RWDD1: variants seen among roughly 807,000 people sequenced by gnomAD.
RWDD1 encodes the protein RWD domain-containing protein 1.
RWDD1 carries 17 observed loss-of-function variants against 31.6 expected under a neutral mutation model. The observed-to-expected ratio is 0.54, with a 90% CI of 0.37 to 0.81. The LOEUF (loss-of-function observed/expected upper bound fraction) is 0.81. Among genes scored for constraint, RWDD1 ranks in the 30% least tolerant of loss-of-function variants. The pLI is 0.00. For missense variants in RWDD1, 204 were observed against 274.5 expected, an observed-to-expected ratio of 0.74 and a Z score of 1.82; for synonymous variants, 78 against 94.2, an observed-to-expected ratio of 0.83 and a Z score of 0.99.
At chr6:116,577,209 A>G (rs756632815) in intron 1 of RWDD1, among the ~76,000 whole-genome samples, 1 of 152,200 alleles carries the variant, frequency 6.6e-6, no homozygotes, top group Non-Finnish European at 1.5e-5. Flanking sequence ...TTGCTAGGAA[A>G]CTGACAAGAG....
intron 3 of RWDD1, among the ~76,000 whole-genome samples, chr6:116,587,489 G>A (rs1041070462): frequency 3.3e-5 from 5 of 152,156 alleles, no homozygotes; most frequent in African/African-American, 1.2e-4. Context: ...GTGGTGATAA[G>A]TGGTGTAACT....
chr6:116,591,066 G>C, intron 6 of RWDD1, 116 bp downstream of exon 6: 1 of 1,347,948 alleles, frequency 7.4e-7, no homozygotes. Flanking sequence ...TTTGAGACCA[G>C]ACTGGGCAAC....
intron 1 of RWDD1, among the ~76,000 whole-genome samples, chr6:116,576,698 G>A (rs930709800): frequency 2.0e-5 from 3 of 152,214 alleles, no homozygotes; most frequent in Admixed American, 6.5e-5. Flanking sequence ...AGGGAGAGGG[G>A]ATGGTCTGAG....
chr6:116,584,766 A>G lies in RWDD1; in HGVS notation c.179A>G (p.Tyr60Cys). 6.2e-7 allele frequency: 1 copy of G among 1,608,832 alleles called. No individual in the cohort carries two copies. Among genetic ancestry groups the G allele is most frequent in the Non-Finnish European group, 8.5e-7 (1 of 1,175,420 alleles). The change falls in exon 3 of 7, where the codon TAC (tyrosine) becomes TGC (cysteine). Residue 60 changes from tyrosine to cysteine, a missense_variant. Transcript: ENST00000466444. ...CTCAAGTTTACATACAGTGAAAAAT[A>G]CCCAGATGAAGCTCCCCTTTATGAA... ...TTLKFTYSEK[Y>C]PDEAPLYEIF...
At chr6:116,571,869 G>A (rs1479566025) in intron 1 of RWDD1, among the ~76,000 whole-genome samples, 11 of 151,976 alleles carry the variant, frequency 7.2e-5, no homozygotes, top group Admixed American at 6.5e-4. Flanking sequence ...CTAAAAGTCC[G>A]GGTGATGTTG....
intron 6 of RWDD1, among the ~76,000 whole-genome samples, chr6:116,591,690 A>T (rs1775147969): frequency 6.6e-6 from 1 of 152,256 alleles, no homozygotes; most frequent in African/African-American, 2.4e-5. Flanking sequence ...CTTATGGCCT[A>T]CATGTGTTTT....
rs372407429 is a variant in RWDD1, at chr6:116,591,004, T to C, written c.610+54T>C. On this transcript the variant is annotated intron_variant, in intron 6 of 6. Transcript: ENST00000466444. Reference sequence around the variant, plus strand: ...GGACAGGCACAGTAGCTCAAACCTGTAATCCCAGCATTTTGGAAAGCCAAG... The same window carrying C: ...GGACAGGCACAGTAGCTCAAACCTGCAATCCCAGCATTTTGGAAAGCCAAG... 86 of 1,508,280 alleles carry C rather than the reference T, an allele frequency of 5.7e-5. No homozygotes were observed. The African/African-American group carries it at 1.1e-3, about 20-fold the overall frequency. The allele number at this position is 1,508,280 out of a possible 1,614,324, so 93.4% of individuals were successfully genotyped here.
intron 2 of RWDD1, among the ~76,000 whole-genome samples, chr6:116,581,143 A>G (rs1774941095): frequency 1.3e-5 from 2 of 152,252 alleles, no homozygotes; most frequent in South Asian, 4.1e-4. Context: ...TTAAAAGGAT[A>G]TTGAATACAT....
chr6:116,572,085 C>T (rs1232121437), intron 1 of RWDD1, among the ~76,000 whole-genome samples: 2 of 151,684 alleles, frequency 1.3e-5, no homozygotes, highest in Non-Finnish European at 2.9e-5. Flanking sequence ...TTATAGGATT[C>T]AGAGTGCTGT....
rs1174114234 is a variant in RWDD1 at position 116,593,058 on chromosome 6, C to G, written c.689C>G (p.Pro230Arg). 1 of 1,613,630 alleles carries G rather than the reference C, an allele frequency of 6.2e-7. No individual in the cohort carries two copies. The highest frequency in any genetic ancestry group is 8.5e-7 in the Non-Finnish European group (1 of 1,179,946). Residue 230 changes from proline (P) to arginine (R), a missense_variant, in exon 7 of 7, where the codon CCA becomes CGA. Pro to Arg is a moderately radical substitution (Grantham distance 103). Transcript: ENST00000466444. Reference sequence around the variant, plus strand: ...GAGCTGGAGGATGATGAAGATGATCCAGACTATAATCCTGCTGACCCAGAG... The same window carrying G: ...GAGCTGGAGGATGATGAAGATGATCGAGACTATAATCCTGCTGACCCAGAG... ...DLELEDDEDDPDYNPADPESD... is the reference protein window; with the variant it reads ...DLELEDDEDDRDYNPADPESD...
intron 4 of RWDD1, among the ~76,000 whole-genome samples, chr6:116,589,998 A>G (rs1434163677): frequency 6.6e-6 from 1 of 152,184 alleles, no homozygotes; most frequent in Non-Finnish European, 1.5e-5. Context: ...CTTCTTAACA[A>G]TGAATAGCTA....
intron 1 of RWDD1, among the ~76,000 whole-genome samples, chr6:116,572,091 G>A (rs918862582): frequency 3.3e-5 from 5 of 151,870 alleles, no homozygotes; most frequent in African/African-American, 7.3e-5. Context: ...GATTCAGAGT[G>A]CTGTTTTCAG....
In RWDD1 at chr6:116,584,789, G is replaced by T. The variant is rs1386191097; in HGVS notation, c.202G>T (p.Glu68Ter). 6.2e-7 allele frequency: 1 copy of T among 1,604,698 alleles called. No individual in the cohort carries two copies. The highest frequency in any genetic ancestry group is 8.5e-7 in the Non-Finnish European group (1 of 1,171,870). ...ATACCCAGATGAAGCTCCCCTTTAT[G>T]AAATATTCTCCCAGGAAAATCTAGA... The part of the protein sequence containing the change: ...EKYPDEAPLY[E>*]IFSQENLEDN... Residue 68 changes from glutamate to a stop codon, truncating the protein, a stop_gained, in exon 3 of 7, where the codon GAA becomes TAA. Coordinates refer to ENST00000466444, the MANE Select transcript of RWDD1 (RefSeq NM_015952.4). LOFTEE classifies it high-confidence loss of function.
At chr6:116,584,361 A>G (rs1371321106) in intron 2 of RWDD1, among the ~76,000 whole-genome samples, 2 of 151,016 alleles carry the variant, frequency 1.3e-5, no homozygotes, top group Non-Finnish European at 1.5e-5. Flanking sequence ...TGGCTCTGGT[A>G]GAGGCTGAAA....
intron 1 of RWDD1, among the ~76,000 whole-genome samples, chr6:116,573,189 A>G (rs984457215): frequency 2.6e-5 from 4 of 152,252 alleles, no homozygotes; most frequent in African/African-American, 7.2e-5. Flanking sequence ...GACATAAGCT[A>G]TCCCTCGCTA....
intron 2 of RWDD1, among the ~76,000 whole-genome samples, chr6:116,583,629 TCA>T (rs1482653970): frequency 1.3e-5 from 2 of 152,084 alleles, no homozygotes; most frequent in Non-Finnish European, 2.9e-5. Context: ...TATCAAAACA[TCA>T]CATTGTACAC....
rs759427163 is a variant in RWDD1, at chr6:116,596,831, T to C, written c.*3730T>C. ...ATGCGCCAGCCTTTCTTTGTGATAA[T>C]GTTAATTTTTTTTTTCCTCCCCTCC... On this transcript the variant is annotated 3_prime_UTR_variant, in exon 7 of 7. Transcript: ENST00000466444. 1.9e-4 allele frequency: 29 copies of C among 152,110 alleles called. No homozygotes were observed. Among genetic ancestry groups the C allele is most frequent in the Non-Finnish European group, 3.7e-4 (25 of 68,014 alleles). 9.4% of individuals were successfully genotyped at this position (152,110 alleles called of 1,614,324 possible). A position where few individuals can be genotyped will look rare whatever the true frequency, so the allele number is the denominator to read the frequency against.
rs1158814100 is a variant in RWDD1, at chr6:116,574,705, CTTTCTTTT to C, written c.73+3058_73+3065del. On this transcript the variant is annotated intron_variant, in intron 1 of 6. Transcript: ENST00000466444. ...CTTCCTTCCTTCCTTCCTTTTCTTT[CTTTCTTTT>C]TTTCTTTCTCTCTCCTTCCTTCCTT... is the stretch of plus-strand genomic sequence containing the variant. 3.3e-5 allele frequency among the ~76,000 whole-genome samples: 5 copies of C among 150,930 alleles called. No homozygotes were observed. The East Asian group carries it at 9.7e-4, about 29-fold the overall frequency.
Position 116,571,547 on chromosome 6 carries a change from T to C in RWDD1, c.-36T>C. On this transcript the variant is annotated 5_prime_UTR_variant, in exon 1 of 7. Transcript: ENST00000466444. ...TCTGGGCTGCTGCGCGCCGCCTAGG[T>C]GTCTGGGCGATCTATGGGCAAGAGC... 6.2e-7 allele frequency: 1 copy of C among 1,604,346 alleles called. No individual in the cohort carries two copies. The highest frequency in any genetic ancestry group is 8.5e-7 in the Non-Finnish European group (1 of 1,174,778).
Sources: gnomAD v4.1 joint callset for allele counts (sites outside exome capture counted in the v4.1 genomes callset) on GRCh38, gnomAD v4.1.1 for gene constraint, MANE v1.5 for transcripts, NCBI Gene and HGNC (gene_info 2026-07-23, HGNC 2026-07-21) for gene names.